The following LINGO2 variants were observed in gnomAD, a reference collection of about 807,000 sequenced individuals.
LINGO2 encodes the protein leucine rich repeat and Ig domain containing 2, also known as leucine-rich repeat and immunoglobulin-like domain-containing nogo receptor-interacting protein 2.
A neutral mutation model predicts 30.6 loss-of-function variants in LINGO2; 14 were observed. The observed-to-expected ratio is 0.46, with a 90% CI of 0.30 to 0.72. The LOEUF (loss-of-function observed/expected upper bound fraction) is 0.72. Among genes scored for constraint, LINGO2 ranks in the 30% least tolerant of loss-of-function variants. LINGO2 has a pLI of 0.07. For synonymous variants in LINGO2, 317 were observed against 288.5 expected (o/e 1.10, Z -1.00); for missense variants, 729 against 751.7 (o/e 0.97, Z 0.35).
chr9:28,700,770 A>T, the LINGO2 span, among the ~76,000 whole-genome samples: 1 of 152,088 alleles, frequency 6.6e-6, no homozygotes, highest in Non-Finnish European at 1.5e-5. Context: ...GTCCACCAGC[A>T]ATGAATAAGA....
In LINGO2 at chr9:27,950,314, C is replaced by G. The variant is rs879488252; in HGVS notation, c.358G>C (p.Val120Leu). ...AGCCCCGTGAATACTCCCAAAGGGA[C>G]CAGCTTTAGACGATTGCCTTTTAGG... The change falls in exon 6 of 6, where the codon GTC becomes CTC. Residue 120 changes from valine (V) to leucine (L), a missense_variant. Transcript: ENST00000379992. 4.5e-5 allele frequency: 72 copies of G among 1,614,026 alleles called. No individual in the cohort carries two copies. Among genetic ancestry groups the G allele is most frequent in the Non-Finnish European group, 5.8e-5 (69 of 1,180,014 alleles).
At chr9:28,406,012 C>T (rs1822496305) in intron 2 of LINGO2, among the ~76,000 whole-genome samples, 1 of 152,178 alleles carries the variant, frequency 6.6e-6, no homozygotes, top group Non-Finnish European at 1.5e-5. Context: ...TTCTCCAGGA[C>T]TCTAGTTCCT....
the LINGO2 span, among the ~76,000 whole-genome samples, chr9:29,102,983 G>A: frequency 0.24 from 35,865 of 151,766 alleles, 4,361 homozygotes; most frequent in East Asian, 0.41. Flanking sequence ...GCTGAAGATG[G>A]AAATGATAAT....
chr9:28,131,908 A>G (rs1488506046), intron 4 of LINGO2, among the ~76,000 whole-genome samples: 1 of 152,144 alleles, frequency 6.6e-6, no homozygotes, highest in East Asian at 1.9e-4. Context: ...AAAAGAAATA[A>G]TGAAAACTGC....
At chr9:28,917,299 C>A in the LINGO2 span, among the ~76,000 whole-genome samples, 1 of 152,130 alleles carries the variant, frequency 6.6e-6, no homozygotes, top group South Asian at 2.1e-4. Flanking sequence ...CTACCTCAGC[C>A]TTCCAACATG....
chr9:29,078,226 A>G, the LINGO2 span, among the ~76,000 whole-genome samples: 1 of 151,982 alleles, frequency 6.6e-6, no homozygotes, highest in Non-Finnish European at 1.5e-5. Context: ...AAGGAAAAGA[A>G]CAAGTATGCT....
intron 4 of LINGO2, among the ~76,000 whole-genome samples, chr9:28,205,110 G>A (rs1256820711): frequency 6.6e-6 from 1 of 152,142 alleles, no homozygotes; most frequent in Non-Finnish European, 1.5e-5. Context: ...TAGGGGATAT[G>A]GAAATTATCA....
chr9:28,073,804 G>T (rs548370066), intron 4 of LINGO2, among the ~76,000 whole-genome samples: 1 of 152,186 alleles, frequency 6.6e-6, no homozygotes, highest in African/African-American at 2.4e-5. Flanking sequence ...GAAGTAGGAG[G>T]ATGGGTTGAG....
At chr9:28,437,210 G>A (rs1213119686) in intron 2 of LINGO2, among the ~76,000 whole-genome samples, 2 of 152,134 alleles carry the variant, frequency 1.3e-5, no homozygotes, top group Non-Finnish European at 2.9e-5. Context: ...AAAGGCAGAG[G>A]AAAGGCAAAC....
At chr9:28,698,945 G>C in the LINGO2 span, among the ~76,000 whole-genome samples, 5 of 151,974 alleles carry the variant, frequency 3.3e-5, no homozygotes, top group African/African-American at 1.2e-4. Context: ...GGGAGGCTAA[G>C]GTGGGAGGTT....
At chr9:28,587,900 G>T (rs909416169) in intron 1 of LINGO2, among the ~76,000 whole-genome samples, 5 of 151,938 alleles carry the variant, frequency 3.3e-5, no homozygotes, top group African/African-American at 1.2e-4. Flanking sequence ...TGGCCGTTTT[G>T]CATTTTTGAA....
intron 1 of LINGO2, among the ~76,000 whole-genome samples, chr9:28,555,838 T>C (rs1822643598): frequency 6.6e-6 from 1 of 152,036 alleles, no homozygotes; most frequent in South Asian, 2.1e-4. Context: ...CAAGGCTGGT[T>C]CAATATAAGC....
the LINGO2 span, among the ~76,000 whole-genome samples, chr9:28,807,372 C>T: frequency 1.3e-5 from 2 of 152,124 alleles, no homozygotes; most frequent in Non-Finnish European, 2.9e-5. Flanking sequence ...TTACCTGACT[C>T]AGAGAACTAA....
chr9:28,976,678 A>G, the LINGO2 span, among the ~76,000 whole-genome samples: 1 of 152,116 alleles, frequency 6.6e-6, no homozygotes, highest in Non-Finnish European at 1.5e-5. Flanking sequence ...CAGCTATATA[A>G]GATATTGGTG....
chr9:28,516,490 G>A (rs1820624038), intron 1 of LINGO2, among the ~76,000 whole-genome samples: 1 of 152,184 alleles, frequency 6.6e-6, no homozygotes, highest in Non-Finnish European at 1.5e-5. Context: ...CTGCCTGGGT[G>A]TGGTATCTCC....
At chr9:28,859,222 GA>G in the LINGO2 span, among the ~76,000 whole-genome samples, 136 of 152,138 alleles carry the variant, frequency 8.9e-4, 1 homozygote, top group East Asian at 9.9e-3. Context: ...AAATTGCAGA[GA>G]TTTAGTTTAC....
At chr9:28,503,596 C>T (rs1478844579) in intron 1 of LINGO2, among the ~76,000 whole-genome samples, 7 of 152,012 alleles carry the variant, frequency 4.6e-5, no homozygotes, top group Non-Finnish European at 4.4e-5. Flanking sequence ...ATTTAGAAAA[C>T]TTCAGTTTTC....
the LINGO2 span, among the ~76,000 whole-genome samples, chr9:28,850,432 T>G: frequency 6.6e-6 from 1 of 151,942 alleles, no homozygotes; most frequent in Non-Finnish European, 1.5e-5. Flanking sequence ...ATTGATTATT[T>G]GGCAACCTCT....
upstream of LINGO2, among the ~76,000 whole-genome samples, chr9:28,674,452 G>A (rs542906204): frequency 9.9e-5 from 15 of 152,238 alleles, no homozygotes; most frequent in African/African-American, 3.6e-4. Flanking sequence ...TTTCTAGGTA[G>A]AAATAGTCTG....
Sources: gnomAD v4.1 joint callset for allele counts (sites outside exome capture counted in the v4.1 genomes callset) on GRCh38, gnomAD v4.1.1 for gene constraint, MANE v1.5 for transcripts, NCBI Gene and HGNC (gene_info 2026-07-23, HGNC 2026-07-21) for gene names.